The following CEP63 variants were observed in gnomAD, a reference collection of about 807,000 sequenced individuals.
CEP63 encodes centrosomal protein 63, also known as centrosomal protein of 63 kDa.
Under a neutral mutation model 89.1 loss-of-function variants are expected in CEP63, and 84 were observed. That is an observed-to-expected ratio of 0.94 (90% confidence interval 0.79 to 1.13). CEP63 has a LOEUF of 1.13. Ranked by LOEUF, CEP63 falls within the 50% of genes most tolerant of loss-of-function variation. The pLI, the probability that CEP63 is intolerant of heterozygous loss-of-function variation, is 0.00. For missense variants in CEP63, 838 were observed against 813.3 expected, an observed-to-expected ratio of 1.03 and a Z score of -0.37; for synonymous variants, 267 against 272.5, an observed-to-expected ratio of 0.98 and a Z score of 0.20.
the CEP63 span, among the ~76,000 whole-genome samples, chr3:134,760,978 T>C: frequency 6.6e-6 from 1 of 151,482 alleles, no homozygotes; most frequent in Non-Finnish European, 1.5e-5. Flanking sequence ...GGTTTAATCC[T>C]CTGGTATGAC....
At chr3:134,516,536 T>G (rs539059732) in intron 3 of CEP63, among the ~76,000 whole-genome samples, 1 of 152,294 alleles carries the variant, frequency 6.6e-6, no homozygotes, top group African/African-American at 2.4e-5. Context: ...AGGCCGAATT[T>G]CAGACTATCA....
the CEP63 span, among the ~76,000 whole-genome samples, chr3:134,759,526 C>T: frequency 6.6e-6 from 1 of 152,154 alleles, no homozygotes; most frequent in African/African-American, 2.4e-5. Flanking sequence ...ACCTGTAGCA[C>T]CTGGATTTTG....
chr3:134,640,318 G>A, the CEP63 span, among the ~76,000 whole-genome samples: 1 of 152,130 alleles, frequency 6.6e-6, no homozygotes, highest in African/African-American at 2.4e-5. Flanking sequence ...CACCGCTTTC[G>A]AGAGCCCACA....
chr3:134,604,194 G>A, the CEP63 span: 4 of 1,612,192 alleles, frequency 2.5e-6, no homozygotes, highest in South Asian at 3.3e-5. Context: ...TCTGCTCCGA[G>A]AACCAGCTGG....
intron 3 of CEP63, among the ~76,000 whole-genome samples, chr3:134,520,196 A>G (rs1336670197): frequency 2.0e-5 from 3 of 152,214 alleles, no homozygotes; most frequent in African/African-American, 4.8e-5. Context: ...CAAAAAATCT[A>G]TGTAGACAGA....
intron 6 of CEP63, among the ~76,000 whole-genome samples, chr3:134,541,733 G>C (rs1952057494): frequency 1.4e-5 from 2 of 141,796 alleles, no homozygotes; most frequent in Non-Finnish European, 3.1e-5. Flanking sequence ...GGCTTTTCTC[G>C]AACTCCTGAC....
At chr3:134,672,317 C>T in the CEP63 span, among the ~76,000 whole-genome samples, 1 of 152,204 alleles carries the variant, frequency 6.6e-6, no homozygotes, top group African/African-American at 2.4e-5. Context: ...CAGACCTCAG[C>T]ACTTAGTAAG....
chr3:134,642,179 C>T, the CEP63 span, among the ~76,000 whole-genome samples: 1 of 152,206 alleles, frequency 6.6e-6, no homozygotes, highest in African/African-American at 2.4e-5. Flanking sequence ...TCATCACTAC[C>T]TGCCAGCGCC....
chr3:134,525,318 C>G (rs1045865835), intron 3 of CEP63, among the ~76,000 whole-genome samples: 1 of 151,978 alleles, frequency 6.6e-6, no homozygotes, highest in African/African-American at 2.4e-5. Context: ...TTCAAGAAAT[C>G]AGCTTCTAGA....
At chr3:134,719,624 G>T in the CEP63 span, among the ~76,000 whole-genome samples, 10 of 152,136 alleles carry the variant, frequency 6.6e-5, no homozygotes, top group South Asian at 1.9e-3. Context: ...CAGTCAATTT[G>T]CATTTCTCTC....
At chr3:134,737,404 C>G in the CEP63 span, among the ~76,000 whole-genome samples, 1 of 151,874 alleles carries the variant, frequency 6.6e-6, no homozygotes, top group Admixed American at 6.6e-5. Context: ...ATAAAGGATT[C>G]AAATCCAGAT....
chr3:134,618,554 C>A, the CEP63 span, among the ~76,000 whole-genome samples: 2 of 136,456 alleles, frequency 1.5e-5, no homozygotes, highest in African/African-American at 5.3e-5. Context: ...ACATCTTGAG[C>A]CTGTTTTGAG....
At chr3:134,547,628 T>TTTTTTTTTTTTTTTTTTTTTG (rs1182808443) in intron 9 of CEP63, among the ~76,000 whole-genome samples, 156 bp downstream of exon 9, 2 of 122,610 alleles carry the variant, frequency 1.6e-5, no homozygotes, top group East Asian at 2.3e-4. Context: ...TTTTTTTTTT[T>TTTTTTTTTTTTTTTTTTTTTG]TGAGACGGAG....
chr3:134,682,906 C>G, the CEP63 span, among the ~76,000 whole-genome samples: 15 of 152,164 alleles, frequency 9.9e-5, no homozygotes, highest in African/African-American at 3.6e-4. Flanking sequence ...AAGCATCAGA[C>G]TTGGAGTCTT....
chr3:134,770,384 T>A, the CEP63 span, among the ~76,000 whole-genome samples: 1 of 152,184 alleles, frequency 6.6e-6, no homozygotes, highest in East Asian at 1.9e-4. Flanking sequence ...GGAAAAGAAG[T>A]CTTGAGGTTG....
At chr3:134,771,734 A>G in the CEP63 span, among the ~76,000 whole-genome samples, 5 of 152,338 alleles carry the variant, frequency 3.3e-5, no homozygotes, top group African/African-American at 9.6e-5. Flanking sequence ...GTGTATACCT[A>G]TGTAACAAAC....
the CEP63 span, among the ~76,000 whole-genome samples, chr3:134,755,311 G>C: frequency 3.3e-5 from 5 of 152,330 alleles, no homozygotes; most frequent in East Asian, 9.7e-4. Flanking sequence ...GCAGAGCCCT[G>C]TGTTCACCCA....
At chr3:134,692,682 C>T in the CEP63 span, among the ~76,000 whole-genome samples, 17 of 152,338 alleles carry the variant, frequency 1.1e-4, no homozygotes, top group South Asian at 2.7e-3. Flanking sequence ...TGAACAACAA[C>T]TTGAGAAGCA....
chr3:134,515,201 C>T (rs1945949752), intron 3 of CEP63, among the ~76,000 whole-genome samples: 1 of 151,906 alleles, frequency 6.6e-6, no homozygotes, highest in Non-Finnish European at 1.5e-5. Flanking sequence ...AGAATATCTT[C>T]CATGCTAATA....
Sources: allele counts gnomAD v4.1 joint callset (sites outside exome capture counted in the v4.1 genomes callset), GRCh38; gene constraint gnomAD v4.1.1; transcripts MANE v1.5; gene names NCBI Gene and HGNC (gene_info 2026-07-23, HGNC 2026-07-21).